The following THSD7B variants were observed in gnomAD, a reference collection of about 807,000 sequenced individuals.
The protein encoded by THSD7B is thrombospondin type-1 domain-containing protein 7B.
A neutral mutation model predicts 213.6 loss-of-function variants in THSD7B; 138 were observed. The ratio of observed to expected loss-of-function variants is 0.65; its 90% CI spans 0.56 to 0.74. The LOEUF is 0.74. Among genes scored for constraint, THSD7B ranks in the 30% least tolerant of loss-of-function variants. THSD7B has a pLI of 0.00. For missense variants in THSD7B, 1,931 were observed against 1,991.5 expected, an observed-to-expected ratio of 0.97 and a Z score of 0.58; for synonymous variants, 742 against 687.0, an observed-to-expected ratio of 1.08 and a Z score of -1.25.
At chr2:137,271,682 C>T (rs1231930176) in intron 10 of THSD7B, among the ~76,000 whole-genome samples, 3 of 151,630 alleles carry the variant, frequency 2.0e-5, no homozygotes, top group East Asian at 1.9e-4. Flanking sequence ...TCTAACTAGT[C>T]GTATATATGT....
At chr2:137,103,455 C>G (rs1043961935) in intron 4 of THSD7B, among the ~76,000 whole-genome samples, 7 of 152,118 alleles carry the variant, frequency 4.6e-5, no homozygotes, top group African/African-American at 1.4e-4. Flanking sequence ...ACCATTGACA[C>G]TATGAAGAAA....
chr2:137,499,974 G>A (rs1341397263), intron 15 of THSD7B, among the ~76,000 whole-genome samples: 1 of 152,156 alleles, frequency 6.6e-6, no homozygotes, highest in African/African-American at 2.4e-5. Flanking sequence ...TAAAAGGAAT[G>A]CAGATTAGAA....
chr2:137,487,548 A>G (rs1405981694), intron 15 of THSD7B, among the ~76,000 whole-genome samples: 1 of 151,766 alleles, frequency 6.6e-6, no homozygotes, highest in African/African-American at 2.4e-5. Flanking sequence ...AGGATCAACA[A>G]AATTGATAGT....
At chr2:137,065,371 C>T (rs1351537524) in intron 3 of THSD7B, among the ~76,000 whole-genome samples, 1 of 151,972 alleles carries the variant, frequency 6.6e-6, no homozygotes, top group Admixed American at 6.6e-5. Context: ...TATCCTGTAA[C>T]TTTACTAAAT....
intron 6 of THSD7B, among the ~76,000 whole-genome samples, chr2:137,166,440 A>G (rs752755029): frequency 6.6e-6 from 1 of 152,212 alleles, no homozygotes; most frequent in African/African-American, 2.4e-5. Context: ...TTTCAGACAT[A>G]TACTAGAAAG....
intron 1 of THSD7B, among the ~76,000 whole-genome samples, chr2:136,848,039 A>G (rs1416225848): frequency 6.6e-6 from 1 of 152,168 alleles, no homozygotes; most frequent in Non-Finnish European, 1.5e-5. Context: ...GGAATCTGCT[A>G]TCTGTTTTGA....
At chr2:137,422,027 G>A (rs1686940322) in intron 14 of THSD7B, among the ~76,000 whole-genome samples, 1 of 152,146 alleles carries the variant, frequency 6.6e-6, no homozygotes, top group Non-Finnish European at 1.5e-5. Flanking sequence ...TGTTAAGAGG[G>A]CAGTCATGTT....
intron 27 of THSD7B, among the ~76,000 whole-genome samples, chr2:137,672,523 A>G (rs899692663): frequency 2.6e-5 from 4 of 152,198 alleles, no homozygotes; most frequent in Non-Finnish European, 5.9e-5. Flanking sequence ...CCTATTACAG[A>G]CCTATTGTTA....
chr2:137,331,198 G>T (rs1684498326), intron 12 of THSD7B, among the ~76,000 whole-genome samples: 1 of 150,520 alleles, frequency 6.6e-6, no homozygotes, highest in Non-Finnish European at 1.5e-5. Flanking sequence ...GTGCTGATTG[G>T]TGTATTTACA....
intron 2 of THSD7B, among the ~76,000 whole-genome samples, chr2:136,991,900 C>T (rs1367039255): frequency 6.6e-6 from 1 of 152,164 alleles, no homozygotes; most frequent in Non-Finnish European, 1.5e-5. Context: ...ATTTGGTTTT[C>T]ACAATTTTCA....
At position 137,583,968 on chromosome 2, in the gene THSD7B, G is replaced by A. The variant is rs571643072; in HGVS notation, c.3423+11412G>A. Among the ~76,000 whole-genome samples, 31 of 152,300 alleles carry A rather than the reference G, an allele frequency of 2.0e-4. No homozygotes were observed. In the South Asian group the frequency reaches 6.2e-3, roughly 31 times the overall value. On this transcript the variant is annotated intron_variant, in intron 17 of 27. Transcript: ENST00000409968. ...CATGATATTGATTCTTCCTATCCAT[G>A]AGCATGGAATGTTCTTCCATTTGTT...
At chr2:136,895,281 T>C (rs1683935559) in intron 2 of THSD7B, among the ~76,000 whole-genome samples, 1 of 152,112 alleles carries the variant, frequency 6.6e-6, no homozygotes, top group South Asian at 2.1e-4. Context: ...AGTGTAGATA[T>C]GTGATAGAAC....
intron 2 of THSD7B, among the ~76,000 whole-genome samples, chr2:136,920,241 T>G (rs750208973): frequency 1.3e-5 from 2 of 152,160 alleles, no homozygotes; most frequent in African/African-American, 2.4e-5. Context: ...CTTTACTGAG[T>G]GACAGAATAG....
At chr2:136,960,226 C>G (rs1250800854) in intron 2 of THSD7B, among the ~76,000 whole-genome samples, 1 of 152,174 alleles carries the variant, frequency 6.6e-6, no homozygotes, top group Non-Finnish European at 1.5e-5. Flanking sequence ...CTCCCAGGCT[C>G]AAGTGATCCC....
At chr2:137,302,337 A>T (rs968519581) in intron 12 of THSD7B, among the ~76,000 whole-genome samples, 4 of 152,164 alleles carry the variant, frequency 2.6e-5, no homozygotes, top group Non-Finnish European at 4.4e-5. Flanking sequence ...AGACCCAGAG[A>T]GGATGGAGTC....
At chr2:137,559,898 A>T (rs977073218) in intron 15 of THSD7B, among the ~76,000 whole-genome samples, 1 of 152,204 alleles carries the variant, frequency 6.6e-6, no homozygotes, top group Non-Finnish European at 1.5e-5. Flanking sequence ...CAAGTGGGTG[A>T]AGGATATGAA....
chr2:137,502,758 A>G (rs1447038300), intron 15 of THSD7B, among the ~76,000 whole-genome samples: 7 of 152,204 alleles, frequency 4.6e-5, no homozygotes, highest in African/African-American at 1.7e-4. Flanking sequence ...TCTTACTTTG[A>G]AAACTACTTC....
intron 3 of THSD7B, among the ~76,000 whole-genome samples, chr2:137,058,171 T>TC (rs1363275329): frequency 6.5e-5 from 8 of 123,666 alleles, no homozygotes; most frequent in Non-Finnish European, 1.2e-4. Context: ...GTGATGATTG[T>TC]TTTTTTTTCC....
At chr2:137,640,111 G>C (rs1682911473) in intron 20 of THSD7B, among the ~76,000 whole-genome samples, 1 of 152,164 alleles carries the variant, frequency 6.6e-6, no homozygotes, top group Non-Finnish European at 1.5e-5. Flanking sequence ...ATCTCAACTT[G>C]AATTGTATCT....
Sources: gnomAD v4.1 joint callset for allele counts (sites outside exome capture counted in the v4.1 genomes callset) on GRCh38, gnomAD v4.1.1 for gene constraint, MANE v1.5 for transcripts, NCBI Gene and HGNC (gene_info 2026-07-23, HGNC 2026-07-21) for gene names.